Variants in DLGAP1 observed in about 807,000 individuals in gnomAD.
DLGAP1 encodes the protein disks large-associated protein 1.
Under a neutral mutation model 90.8 loss-of-function variants are expected in DLGAP1, and 11 were observed. That is an observed-to-expected ratio of 0.12 (90% CI 0.08 to 0.20). DLGAP1 has a LOEUF of 0.20. Among genes scored for constraint, DLGAP1 ranks in the 10% least tolerant of loss-of-function variants. The pLI is 1.00. For synonymous variants in DLGAP1, 558 were observed against 540.7 expected (o/e 1.03, Z -0.44); for missense variants, 1,050 against 1,333.8 (o/e 0.79, Z 3.31).
intron 7 of DLGAP1, among the ~76,000 whole-genome samples, chr18:3,672,862 C>T (rs1284472005): frequency 6.6e-6 from 1 of 152,132 alleles, no homozygotes; most frequent in South Asian, 2.1e-4. Flanking sequence ...TGGCCACCTC[C>T]CCTGGTGGAT....
At chr18:3,785,065 T>G (rs548282785) in intron 5 of DLGAP1, among the ~76,000 whole-genome samples, 2 of 152,234 alleles carry the variant, frequency 1.3e-5, no homozygotes, top group Non-Finnish European at 2.9e-5. Flanking sequence ...CATATGTTTT[T>G]AAATAATCTA....
chr18:3,564,606 T>C (rs919570262), intron 9 of DLGAP1, among the ~76,000 whole-genome samples: 1 of 152,240 alleles, frequency 6.6e-6, no homozygotes, highest in African/African-American at 2.4e-5. Flanking sequence ...TTTGAGGACC[T>C]GGTAGAGTTC....
intron 7 of DLGAP1, among the ~76,000 whole-genome samples, chr18:3,687,860 C>T (rs2060753728): frequency 6.7e-6 from 1 of 150,038 alleles, no homozygotes; most frequent in Non-Finnish European, 1.5e-5. Context: ...TCTGACCAAA[C>T]AATAGCTTTA....
intron 7 of DLGAP1, among the ~76,000 whole-genome samples, chr18:3,649,347 C>T (rs185705038): frequency 6.6e-6 from 1 of 152,174 alleles, no homozygotes; most frequent in Non-Finnish European, 1.5e-5. Context: ...GAAAGGTGAT[C>T]AGAGAGCTCT....
intron 5 of DLGAP1, among the ~76,000 whole-genome samples, chr18:3,785,536 G>A (rs1236995616): frequency 6.6e-6 from 1 of 152,196 alleles, no homozygotes; most frequent in Admixed American, 6.5e-5. Flanking sequence ...GGACATGGGG[G>A]AATGTAGACC....
chr18:4,036,296 C>T (rs991894698), intron 2 of DLGAP1, among the ~76,000 whole-genome samples: 1 of 152,120 alleles, frequency 6.6e-6, no homozygotes, highest in Non-Finnish European at 1.5e-5. Flanking sequence ...GTCTAAGGTA[C>T]AAGGCACTGC....
chr18:3,549,592 A>G (rs1188280357), intron 9 of DLGAP1, among the ~76,000 whole-genome samples: 1 of 151,956 alleles, frequency 6.6e-6, no homozygotes, highest in Non-Finnish European at 1.5e-5. Context: ...CGGCCTCCCA[A>G]AGTTTTGGGA....
intron 7 of DLGAP1, among the ~76,000 whole-genome samples, chr18:3,600,690 C>CTATAGA (rs1555695250): frequency 3.3e-5 from 2 of 59,786 alleles, no homozygotes; most frequent in Admixed American, 1.7e-4. Context: ...CTATAGAGAT[C>CTATAGA]TATATAGATA....
chr18:3,522,429 A>T (rs2051265908), intron 10 of DLGAP1, among the ~76,000 whole-genome samples: 1 of 151,002 alleles, frequency 6.6e-6, no homozygotes, highest in African/African-American at 2.4e-5. Context: ...GAGCCGCTGT[A>T]CTCGGCCTCC....
At chr18:4,055,241 C>T (rs1373371379) in intron 2 of DLGAP1, among the ~76,000 whole-genome samples, 1 of 152,148 alleles carries the variant, frequency 6.6e-6, no homozygotes, top group Non-Finnish European at 1.5e-5. Flanking sequence ...TTGAGAGAGA[C>T]TGGGGACTCT....
chr18:3,602,278 C>G lies in DLGAP1; in HGVS notation c.1592-20030G>C, dbSNP rs186791146. Among the ~76,000 whole-genome samples the G allele has an allele frequency of 4.0e-4, 61 of 152,102 alleles. 1 individual carries two copies. The East Asian group carries it at 7.4e-3, about 18-fold the overall frequency. The stretch of plus-strand genomic sequence containing the variant: ...CCCACCAGATAACCGAGACAGTGCA[C>G]GTAACACAGTTTGAATTAAAGAATA... On this transcript the variant is annotated intron_variant, in intron 7 of 12. Coordinates refer to ENST00000315677, the MANE Select transcript of DLGAP1 (RefSeq NM_004746.4).
intron 1 of DLGAP1, among the ~76,000 whole-genome samples, chr18:4,439,608 C>G (rs2083480174): frequency 6.6e-6 from 1 of 151,756 alleles, no homozygotes; most frequent in African/African-American, 2.4e-5. Flanking sequence ...GAGTTCAAGA[C>G]CAGCCTGGGC....
At chr18:4,421,185 T>C (rs2083020645) in intron 1 of DLGAP1, among the ~76,000 whole-genome samples, 1 of 152,134 alleles carries the variant, frequency 6.6e-6, no homozygotes, top group Non-Finnish European at 1.5e-5. Context: ...AGAAGGCTTT[T>C]GGGGAGAATC....
intron 1 of DLGAP1, among the ~76,000 whole-genome samples, chr18:4,321,770 C>A (rs1441850489): frequency 6.6e-6 from 1 of 152,122 alleles, no homozygotes; most frequent in East Asian, 1.9e-4. Context: ...TATTATGTAA[C>A]AAAATGAGGC....
At chr18:3,946,618 C>CAAA (rs1005708537) in intron 3 of DLGAP1, among the ~76,000 whole-genome samples, 8 of 152,086 alleles carry the variant, frequency 5.3e-5, no homozygotes, top group African/African-American at 1.9e-4. Flanking sequence ...GAGAAACAAA[C>CAAA]AAAAACACTC....
chr18:4,142,648 A>G (rs778852724), intron 2 of DLGAP1, among the ~76,000 whole-genome samples: 1 of 152,228 alleles, frequency 6.6e-6, no homozygotes, highest in Non-Finnish European at 1.5e-5. Context: ...TTATCTCAGA[A>G]CACACTAACT....
chr18:4,296,415 A>C (rs1036895808), intron 1 of DLGAP1, among the ~76,000 whole-genome samples: 5 of 152,202 alleles, frequency 3.3e-5, no homozygotes, highest in Non-Finnish European at 5.9e-5. Context: ...CCACTCTCAG[A>C]AACATTTTAG....
At chr18:3,523,708 G>C (rs549926562) in intron 10 of DLGAP1, among the ~76,000 whole-genome samples, 2 of 152,172 alleles carry the variant, frequency 1.3e-5, no homozygotes, top group Admixed American at 1.3e-4. Flanking sequence ...TTAGCCAGGC[G>C]TGGTGGCGTG....
At chr18:3,782,101 A>C (rs1398014303) in intron 5 of DLGAP1, among the ~76,000 whole-genome samples, 1 of 151,776 alleles carries the variant, frequency 6.6e-6, no homozygotes, top group African/African-American at 2.4e-5. Flanking sequence ...AGACACAAAG[A>C]ATGCCTCAAT....
Sources: gnomAD v4.1 joint callset for allele counts (sites outside exome capture counted in the v4.1 genomes callset) on GRCh38, gnomAD v4.1.1 for gene constraint, MANE v1.5 for transcripts, NCBI Gene and HGNC (gene_info 2026-07-23, HGNC 2026-07-21) for gene names.